The following TICRR variants were observed in gnomAD, a reference collection of about 807,000 sequenced individuals.
TICRR encodes the protein treslin.
TICRR carries 132 observed loss-of-function variants against 178.1 expected under a neutral mutation model. The ratio of observed to expected loss-of-function variants is 0.74; its 90% confidence interval spans 0.64 to 0.86. TICRR has a LOEUF of 0.86. Among genes scored for constraint, TICRR ranks in the 40% least tolerant of loss-of-function variants. The pLI, the probability that TICRR is intolerant of heterozygous loss-of-function variation, is 0.00. For synonymous variants in TICRR, 991 were observed against 900.7 expected (o/e 1.10, Z -1.79); for missense variants, 2,587 against 2,334.3 (o/e 1.11, Z -2.23).
Position 89,582,402 on chromosome 15 carries a change from A to G in TICRR, c.655-284A>G, listed in dbSNP as rs1596038966. ...TTCTAACATTTTATGATCTATACCC[A>G]GTGATTTGTGTCACTTCTTTCTGTT... On this transcript the variant is annotated intron_variant, in intron 1 of 21. Transcript: ENST00000268138. 4 of 351,704 alleles carry G rather than the reference A, an allele frequency of 1.1e-5. 1 individual carries two copies. The allele number at this position is 351,704 out of a possible 1,614,324, so 21.8% of individuals were successfully genotyped here. A position where few individuals can be genotyped will look rare whatever the true frequency, so the allele number is the denominator to read the frequency against.
intron 14 of TICRR, among the ~76,000 whole-genome samples, chr15:89,607,164 T>C (rs888128203): frequency 1.3e-5 from 2 of 152,092 alleles, no homozygotes; most frequent in African/African-American, 4.8e-5. Context: ...CCTGCTTGGA[T>C]CTTAAATTTA....
chr15:89,575,521 A>G lies in TICRR; in HGVS notation c.-66A>G. The stretch of plus-strand genomic sequence containing the variant: ...AGCAGTGAGTGGTGCTGTTTCCCTG[A>G]AGGAAGGGACTAAGGGACGGTGGCG... On this transcript the variant is annotated 5_prime_UTR_variant, in exon 1 of 22. Transcript: ENST00000268138. 1 of 1,391,534 alleles carries G rather than the reference A, an allele frequency of 7.2e-7. No homozygotes were observed. The highest frequency in any genetic ancestry group is 9.4e-7 in the Non-Finnish European group (1 of 1,065,310). 86.2% of individuals were successfully genotyped at this position (1,391,534 alleles called of 1,614,324 possible). A position where few individuals can be genotyped will look rare whatever the true frequency, so the allele number is the denominator to read the frequency against.
Position 89,575,865 on chromosome 15 carries a change from G to T in TICRR, c.279G>T (p.Pro93=). 1 of 1,585,150 alleles carries T rather than the reference G, an allele frequency of 6.3e-7. No homozygotes were observed. Residue 93 remains proline, a synonymous_variant, in exon 1 of 22, where the codon CCG becomes CCT. Coordinates refer to ENST00000268138, the MANE Select transcript of TICRR (RefSeq NM_152259.4). ...RLEDRAHLPG[P]APRATHTHGA... ...AGGATCGCGCCCACCTGCCCGGCCCGGCGCCCAGGGCCACCCACACGCACG... is the reference window on the plus strand; with the variant it reads ...AGGATCGCGCCCACCTGCCCGGCCCTGCGCCCAGGGCCACCCACACGCACG...
At chr15:89,599,257 C>G (rs1963052696) in intron 7 of TICRR, 67 bp from the exon 8 acceptor site, 1 of 1,244,614 alleles carries the variant, frequency 8.0e-7, no homozygotes, top group South Asian at 1.6e-5. Flanking sequence ...TGGACAACAA[C>G]TGGCCTAAGT....
intron 14 of TICRR, among the ~76,000 whole-genome samples, chr15:89,607,957 G>A (rs571931859): frequency 1.3e-5 from 2 of 152,266 alleles, no homozygotes; most frequent in South Asian, 2.1e-4. Flanking sequence ...GCTTAGTAAA[G>A]TAGTCAGAAG....
chr15:89,589,338 G>A (rs1962872589), intron 4 of TICRR, among the ~76,000 whole-genome samples: 1 of 152,100 alleles, frequency 6.6e-6, no homozygotes, highest in Non-Finnish European at 1.5e-5. Flanking sequence ...TGGGTGTTTG[G>A]CCCACCCCCA....
intron 12 of TICRR, 73 bp from the exon 13 acceptor site, chr15:89,602,723 A>G (rs1963117242): frequency 4.6e-6 from 3 of 658,094 alleles, no homozygotes; most frequent in Non-Finnish European, 6.7e-6. Context: ...TTTTACTTAG[A>G]CTCCAGTTCC....
Position 89,592,113 on chromosome 15 carries a change from T to C in TICRR, c.1478T>C (p.Val493Ala). Residue 493 changes from valine to alanine, a missense_variant, in exon 5 of 22, where the codon GTG becomes GCG. Val to Ala is a moderately conservative substitution (Grantham distance 64). Transcript: ENST00000268138. ...GHTTPWSPAV[V>A]EKWFPFCNIS... Reference sequence around the variant, plus strand: ...ACCACTCCCTGGAGTCCAGCTGTTGTGGAAAAGTGGTTTCCTTTCTGTAAC... The same window carrying C: ...ACCACTCCCTGGAGTCCAGCTGTTGCGGAAAAGTGGTTTCCTTTCTGTAAC... The C allele has an allele frequency of 6.2e-7, 1 of 1,612,644 alleles. No homozygotes were observed. Among genetic ancestry groups the C allele is most frequent in the Non-Finnish European group, 8.5e-7 (1 of 1,178,734 alleles).
At chr15:89,576,982 C>A (rs914980046) in intron 1 of TICRR, among the ~76,000 whole-genome samples, 2 of 151,684 alleles carry the variant, frequency 1.3e-5, no homozygotes, top group East Asian at 1.9e-4. Flanking sequence ...AACCTCCACC[C>A]CTCCGGGTTC....
At chr15:89,609,879 T>G (rs1299336967) in intron 15 of TICRR, among the ~76,000 whole-genome samples, 2 of 152,190 alleles carry the variant, frequency 1.3e-5, no homozygotes, top group African/African-American at 2.4e-5. Context: ...AGCTATTGAT[T>G]TGAGATCTTT....
At chr15:89,592,507 G>A (rs1384633884) in intron 5 of TICRR, among the ~76,000 whole-genome samples, 1 of 152,110 alleles carries the variant, frequency 6.6e-6, no homozygotes, top group African/African-American at 2.4e-5. Context: ...CTTGAATAAT[G>A]CAGCTGAATT....
chr15:89,586,064 C>G (rs1962818274), intron 4 of TICRR, 122 bp downstream of exon 4: 3 of 657,202 alleles, frequency 4.6e-6, no homozygotes, highest in East Asian at 5.4e-5. Context: ...TGAAAGAAAG[C>G]TATAATACTT....
chr15:89,621,644 G>T, intron 19 of TICRR, 94 bp downstream of exon 19: 1 of 1,081,906 alleles, frequency 9.2e-7, no homozygotes. Flanking sequence ...AGAGAAAGCA[G>T]GTGACCTCTA....
At position 89,592,187 on chromosome 15, in the gene TICRR, T is replaced by C. The variant is rs1454853321; in HGVS notation, c.1541+11T>C. 1.2e-6 allele frequency: 2 copies of C among 1,609,844 alleles called. No individual in the cohort carries two copies. The highest frequency in any genetic ancestry group is 1.7e-6 in the Non-Finnish European group (2 of 1,176,796). On this transcript the variant is annotated intron_variant, in intron 5 of 21. Transcript: ENST00000268138. ...GATGGAGTCATTTGGGTAAAACGTT[T>C]TTATATCTCTTGAATATTGATTATT...
At position 89,575,871 on chromosome 15, in the gene TICRR, C is replaced by G; in HGVS notation, c.285C>G (p.Pro95=). ...GCGCCCACCTGCCCGGCCCGGCGCC[C>G]AGGGCCACCCACACGCACGGCGCCC... ...EDRAHLPGPA[P]RATHTHGALM... is the part of the protein sequence containing the mutation. The change falls in exon 1 of 22, where the codon CCC becomes CCG. Residue 95 remains proline, a synonymous_variant. Transcript: ENST00000268138. 1.3e-6 allele frequency: 2 copies of G among 1,586,078 alleles called. No individual in the cohort carries two copies. Among genetic ancestry groups the G allele is most frequent in the Non-Finnish European group, 1.7e-6 (2 of 1,168,794 alleles).
chr15:89,576,206 CCTT>C lies in TICRR; in HGVS notation c.623_625del (p.Phe208del). On this transcript the variant is annotated inframe_deletion, in exon 1 of 22. Transcript: ENST00000268138. ...GAAGTCATGGTCGCCCGAAAAATCA[CCTT>C]CTACTGGGTGGATACCACCGAATGG... 1 of 1,595,122 alleles carries C rather than the reference CCTT, an allele frequency of 6.3e-7. No homozygotes were observed. Among genetic ancestry groups the C allele is most frequent in the Non-Finnish European group, 8.5e-7 (1 of 1,177,062 alleles).
At chr15:89,612,261 C>G (rs1963266989) in intron 15 of TICRR, among the ~76,000 whole-genome samples, 1 of 151,710 alleles carries the variant, frequency 6.6e-6, no homozygotes, top group Admixed American at 6.6e-5. Flanking sequence ...CAGCCAATGA[C>G]CTAAGAAGGA....
At chr15:89,620,560 C>G (rs781647960) in intron 18 of TICRR, among the ~76,000 whole-genome samples, 1 of 152,114 alleles carries the variant, frequency 6.6e-6, no homozygotes, top group Non-Finnish European at 1.5e-5. Context: ...TCTACATTTT[C>G]TAACATAGGA....
rs114577180 is a variant in TICRR, at chr15:89,588,737, G to C, written c.1411+2795G>C. 1.7e-3 allele frequency among the ~76,000 whole-genome samples: 257 copies of C among 152,274 alleles called. 2 individuals carry two copies. Among genetic ancestry groups the C allele is most frequent in the African/African-American group, 6.0e-3 (248 of 41,554 alleles). On this transcript the variant is annotated intron_variant, in intron 4 of 21. Transcript: ENST00000268138. ...CCAGAGTGTTGGTAGCATCAAATGT[G>C]TGTATGGAAGTTATCCAGAGTTAAG... is the stretch of plus-strand genomic sequence containing the variant.
Sources: gnomAD v4.1 joint callset for allele counts (sites outside exome capture counted in the v4.1 genomes callset) on GRCh38, gnomAD v4.1.1 for gene constraint, MANE v1.5 for transcripts, NCBI Gene and HGNC (gene_info 2026-07-23, HGNC 2026-07-21) for gene names.